CTNNA2: variants seen among roughly 807,000 people sequenced by gnomAD.
CTNNA2 encodes the protein catenin alpha 2.
CTNNA2 carries 42 observed loss-of-function variants against 101.0 expected under a neutral mutation model. The observed-to-expected ratio is 0.42, with a 90% confidence interval of 0.32 to 0.54. CTNNA2 has a LOEUF of 0.54. CTNNA2 is among the 20% of genes least tolerant of loss of function. The pLI, the probability that CTNNA2 is intolerant of heterozygous loss-of-function variation, is 0.14. For missense variants in CTNNA2, 871 were observed against 1,223.1 expected (o/e 0.71, Z 4.29); for synonymous variants, 450 against 456.4 (o/e 0.99, Z 0.18).
chr2:79,793,664 C>T (rs1266963972), intron 3 of CTNNA2, among the ~76,000 whole-genome samples: 3 of 152,004 alleles, frequency 2.0e-5, no homozygotes, highest in Admixed American at 2.0e-4. Context: ...GCAAAAAGAT[C>T]GAAGACCCAT....
chr2:80,284,035 G>C (rs533656644), intron 7 of CTNNA2, among the ~76,000 whole-genome samples: 1 of 152,096 alleles, frequency 6.6e-6, no homozygotes, highest in Non-Finnish European at 1.5e-5. Flanking sequence ...CCCATTCATG[G>C]CAATCCAAGT....
At chr2:79,627,372 A>G (rs1021489156) in intron 1 of CTNNA2, among the ~76,000 whole-genome samples, 7 of 152,230 alleles carry the variant, frequency 4.6e-5, no homozygotes, top group African/African-American at 1.7e-4. Flanking sequence ...GTTGGCATCC[A>G]TGTTCTCAGA....
At chr2:80,060,418 T>C (rs1330032629) in intron 7 of CTNNA2, among the ~76,000 whole-genome samples, 1 of 152,176 alleles carries the variant, frequency 6.6e-6, no homozygotes, top group African/African-American at 2.4e-5. Context: ...GATAATGGCA[T>C]GCCTTGGAGC....
At chr2:79,507,772 C>G (rs761532748) in intron 5 of CTNNA2, among the ~76,000 whole-genome samples, 1 of 152,032 alleles carries the variant, frequency 6.6e-6, no homozygotes, top group Non-Finnish European at 1.5e-5. Flanking sequence ...AATCTAGCCA[C>G]GAGATATATT....
chr2:79,649,051 C>T (rs1361088992), intron 1 of CTNNA2, among the ~76,000 whole-genome samples: 1 of 152,038 alleles, frequency 6.6e-6, no homozygotes, highest in African/African-American at 2.4e-5. Context: ...GCTCTGTGAC[C>T]TTCAGGACTG....
At chr2:80,089,642 G>C (rs907394447) in intron 7 of CTNNA2, among the ~76,000 whole-genome samples, 2 of 151,942 alleles carry the variant, frequency 1.3e-5, no homozygotes, top group Non-Finnish European at 2.9e-5. Flanking sequence ...CGGTGAGCTT[G>C]ACCTGTAGTT....
chr2:79,228,646 T>G (rs1412256338), intron 2 of CTNNA2, among the ~76,000 whole-genome samples: 1 of 152,204 alleles, frequency 6.6e-6, no homozygotes. Context: ...ATTCTGGATA[T>G]TAGACTTTTG....
At chr2:79,315,499 C>G (rs552058244) in intron 3 of CTNNA2, among the ~76,000 whole-genome samples, 36 of 152,160 alleles carry the variant, frequency 2.4e-4, no homozygotes, top group Admixed American at 2.4e-3. Context: ...TGGAATCTTA[C>G]AATGCATGGT....
intron 7 of CTNNA2, among the ~76,000 whole-genome samples, chr2:79,978,901 T>C (rs1691057909): frequency 6.6e-6 from 1 of 152,222 alleles, no homozygotes; most frequent in Non-Finnish European, 1.5e-5. Flanking sequence ...TGCTCTATTT[T>C]ATCATGCCCT....
rs141741203 is a variant in CTNNA2 at position 79,570,771 on chromosome 2, C to T, written c.-6+57564C>T. On this transcript the variant is annotated intron_variant, in intron 1 of 18. Transcript: ENST00000402739. The stretch of plus-strand genomic sequence containing the variant: ...GAGATCATTGCAGAGGAAAATAGAG[C>T]ATGAATTAGTCAGCTCTTTTCTATG... 4.1e-3 allele frequency among the ~76,000 whole-genome samples: 623 copies of T among 152,100 alleles called. 4 individuals carry two copies. The highest frequency in any genetic ancestry group is 0.014 in the African/African-American group (582 of 41,496).
chr2:80,315,991 A>C (rs1678085163), intron 7 of CTNNA2, among the ~76,000 whole-genome samples: 1 of 152,178 alleles, frequency 6.6e-6, no homozygotes, highest in South Asian at 2.1e-4. Flanking sequence ...AAGATCTCCA[A>C]GTGATTCATA....
At chr2:79,739,035 G>T (rs1671095286) in intron 2 of CTNNA2, among the ~76,000 whole-genome samples, 1 of 149,916 alleles carries the variant, frequency 6.7e-6, no homozygotes, top group African/African-American at 2.5e-5. Context: ...CAATATTCAT[G>T]CTATTACTAC....
chr2:80,487,892 T>C (rs1379960148), intron 9 of CTNNA2, among the ~76,000 whole-genome samples: 1 of 152,216 alleles, frequency 6.6e-6, no homozygotes, highest in Non-Finnish European at 1.5e-5. Flanking sequence ...TTACTTTTGA[T>C]ATATTTTTTC....
At chr2:80,264,219 T>C (rs1389422575) in intron 7 of CTNNA2, among the ~76,000 whole-genome samples, 1 of 152,100 alleles carries the variant, frequency 6.6e-6, no homozygotes, top group Non-Finnish European at 1.5e-5. Context: ...ATTTATTTTC[T>C]TCTGCTTGTA....
intron 3 of CTNNA2, among the ~76,000 whole-genome samples, chr2:79,812,548 G>C (rs186173609): frequency 6.6e-5 from 10 of 152,268 alleles, no homozygotes; most frequent in African/African-American, 2.4e-4. Context: ...TCATGGTCAA[G>C]CTTATTTTCT....
At chr2:79,274,832 G>A (rs937676619) in intron 2 of CTNNA2, among the ~76,000 whole-genome samples, 1 of 151,996 alleles carries the variant, frequency 6.6e-6, no homozygotes, top group African/African-American at 2.4e-5. Flanking sequence ...AGCTCAACAT[G>A]AAAGATATCA....
At chr2:80,128,856 G>C (rs1702267449) in intron 7 of CTNNA2, among the ~76,000 whole-genome samples, 1 of 152,134 alleles carries the variant, frequency 6.6e-6, no homozygotes, top group Admixed American at 6.6e-5. Context: ...TGGAAAAGGA[G>C]AATGTCTTAA....
At chr2:79,896,410 C>G (rs1015374392) in intron 6 of CTNNA2, among the ~76,000 whole-genome samples, 1 of 152,202 alleles carries the variant, frequency 6.6e-6, no homozygotes, top group East Asian at 1.9e-4. Flanking sequence ...ATGTACATAT[C>G]TAACTAAAAG....
chr2:79,811,359 A>T (rs1259694208), intron 3 of CTNNA2, among the ~76,000 whole-genome samples: 1 of 151,940 alleles, frequency 6.6e-6, no homozygotes, highest in African/African-American at 2.4e-5. Flanking sequence ...TGCTTCACCC[A>T]CTTTTTGATG....
Sources: allele counts gnomAD v4.1 joint callset (sites outside exome capture counted in the v4.1 genomes callset), GRCh38; gene constraint gnomAD v4.1.1; transcripts MANE v1.5; gene names NCBI Gene and HGNC (gene_info 2026-07-23, HGNC 2026-07-21).